GPHN: variants seen among roughly 807,000 people sequenced by gnomAD.
GPHN encodes gephyrin.
A neutral mutation model predicts 95.5 loss-of-function variants in GPHN; 17 were observed. That is an observed-to-expected ratio of 0.18 (90% CI 0.12 to 0.27). GPHN has a LOEUF of 0.27. Among genes scored for constraint, GPHN ranks in the 10% least tolerant of loss-of-function variants. The pLI, the probability that GPHN is intolerant of heterozygous loss-of-function variation, is 1.00. For missense variants in GPHN, 660 were observed against 978.1 expected, an observed-to-expected ratio of 0.67 and a Z score of 4.34; for synonymous variants, 320 against 322.5, an observed-to-expected ratio of 0.99 and a Z score of 0.08.
the GPHN span, among the ~76,000 whole-genome samples, chr14:67,439,578 TTTC>T: frequency 9.3e-6 from 1 of 107,722 alleles, no homozygotes; most frequent in Non-Finnish European, 1.7e-5. Context: ...TCTTTCTTTC[TTTC>T]TTTCTTTCTT....
At chr14:67,269,176 A>G in the GPHN span, among the ~76,000 whole-genome samples, 3 of 152,194 alleles carry the variant, frequency 2.0e-5, no homozygotes, top group African/African-American at 7.2e-5. Flanking sequence ...TGTAGGGTTA[A>G]TCTATGTTGT....
At chr14:66,628,015 C>G (rs2063587906) in intron 1 of GPHN, among the ~76,000 whole-genome samples, 2 of 151,948 alleles carry the variant, frequency 1.3e-5, no homozygotes, top group Non-Finnish European at 2.9e-5. Flanking sequence ...TTTTTGTGCC[C>G]TAAAAAGAGT....
the GPHN span, among the ~76,000 whole-genome samples, chr14:67,513,310 T>C: frequency 6.6e-6 from 1 of 152,170 alleles, no homozygotes; most frequent in Non-Finnish European, 1.5e-5. Flanking sequence ...GCCTGCCTGT[T>C]AGAATGGGAA....
the GPHN span, among the ~76,000 whole-genome samples, chr14:67,558,799 G>A: frequency 6.6e-6 from 1 of 152,332 alleles, no homozygotes. Context: ...GTAAAGTCCA[G>A]GTAGTAACTA....
chr14:67,052,440 G>C (rs1033540566), intron 10 of GPHN, among the ~76,000 whole-genome samples: 4 of 151,788 alleles, frequency 2.6e-5, no homozygotes, highest in African/African-American at 9.7e-5. Context: ...GGAGGACCTA[G>C]ATTCATAAAA....
the GPHN span, among the ~76,000 whole-genome samples, chr14:67,306,418 C>T: frequency 6.6e-6 from 1 of 152,064 alleles, no homozygotes. Flanking sequence ...GATCTTGGCT[C>T]ACTGTAACCT....
intron 3 of GPHN, among the ~76,000 whole-genome samples, chr14:66,790,960 A>G (rs1218852469): frequency 6.6e-6 from 1 of 152,240 alleles, no homozygotes. Flanking sequence ...AGAGAATAGT[A>G]ATTAAAATTC....
chr14:66,560,294 A>G (rs983996259), intron 1 of GPHN, among the ~76,000 whole-genome samples: 43 of 152,194 alleles, frequency 2.8e-4, no homozygotes, highest in African/African-American at 7.9e-4. Flanking sequence ...TTGGTAGCTT[A>G]ATGGGGATGG....
chr14:67,543,674 G>A, the GPHN span, among the ~76,000 whole-genome samples: 1 of 151,922 alleles, frequency 6.6e-6, no homozygotes. Flanking sequence ...TTGGAGGAGG[G>A]ACGAAAAGGA....
the GPHN span, among the ~76,000 whole-genome samples, chr14:67,548,772 C>T: frequency 3.3e-4 from 51 of 152,318 alleles, 1 homozygote; most frequent in African/African-American, 1.0e-3. Flanking sequence ...ACTGAAGCAG[C>T]GTTTACCAAG....
At chr14:67,198,246 C>G in the GPHN span, 1 of 1,613,902 alleles carries the variant, frequency 6.2e-7, no homozygotes, top group Non-Finnish European at 8.5e-7. Flanking sequence ...TCCGAGAGAT[C>G]TTCAAAATAT....
At chr14:67,138,959 A>G (rs922084827) in intron 17 of GPHN, among the ~76,000 whole-genome samples, 2 of 132,482 alleles carry the variant, frequency 1.5e-5, no homozygotes, top group Non-Finnish European at 3.0e-5. Context: ...ACGGTGGCTC[A>G]TGCCTGTAAT....
At chr14:66,674,312 A>G (rs1279592926) in intron 1 of GPHN, among the ~76,000 whole-genome samples, 1 of 151,888 alleles carries the variant, frequency 6.6e-6, no homozygotes, top group African/African-American at 2.4e-5. Context: ...GTTAGCCAGG[A>G]TGGTATTGAT....
the GPHN span, chr14:67,388,186 C>T: frequency 7.3e-7 from 1 of 1,378,178 alleles, no homozygotes; most frequent in Non-Finnish European, 1.0e-6. Flanking sequence ...GAGGGAGGCC[C>T]CTGAGATCTT....
the GPHN span, among the ~76,000 whole-genome samples, chr14:67,480,025 C>A: frequency 1.1e-3 from 162 of 152,310 alleles, 1 homozygote; most frequent in Admixed American, 2.8e-3. Flanking sequence ...GCCTCAGGGT[C>A]CTTGTAGGTA....
intron 3 of GPHN, among the ~76,000 whole-genome samples, chr14:66,813,516 C>T (rs920448368): frequency 2.6e-5 from 4 of 152,170 alleles, no homozygotes; most frequent in South Asian, 2.1e-4. Context: ...AGGAGCAACC[C>T]GCTCTCACCA....
chr14:67,298,330 A>G, the GPHN span, among the ~76,000 whole-genome samples: 5 of 152,086 alleles, frequency 3.3e-5, no homozygotes, highest in African/African-American at 1.2e-4. Context: ...TCTGGCCAAC[A>G]TGGTGAAACC....
chr14:67,394,847 G>A, the GPHN span, among the ~76,000 whole-genome samples: 1 of 152,150 alleles, frequency 6.6e-6, no homozygotes, highest in Non-Finnish European at 1.5e-5. Flanking sequence ...AATGGGACTG[G>A]TGGCTTTATA....
chr14:67,286,671 C>A, the GPHN span, among the ~76,000 whole-genome samples: 1 of 149,678 alleles, frequency 6.7e-6, no homozygotes, highest in African/African-American at 2.5e-5. Context: ...GCCTGGGCAA[C>A]CTGGTGAAAC....
Sources: allele counts gnomAD v4.1 joint callset (sites outside exome capture counted in the v4.1 genomes callset), GRCh38; gene constraint gnomAD v4.1.1; transcripts MANE v1.5; gene names NCBI Gene and HGNC (gene_info 2026-07-23, HGNC 2026-07-21).